The following ITSN1 variants were observed in gnomAD, a reference collection of about 807,000 sequenced individuals.
ITSN1 encodes the protein intersectin 1.
Under a neutral mutation model 239.8 loss-of-function variants are expected in ITSN1, and 58 were observed. The observed-to-expected ratio is 0.24, with a 90% confidence interval of 0.20 to 0.30. ITSN1 has a LOEUF of 0.30. Ranked by LOEUF, ITSN1 falls within the 10% of genes least tolerant of loss-of-function variation. The pLI, the probability that ITSN1 is intolerant of heterozygous loss-of-function variation, is 1.00. For missense variants in ITSN1, 1,558 were observed against 2,103.3 expected, an observed-to-expected ratio of 0.74 and a Z score of 5.07; for synonymous variants, 780 against 770.8, an observed-to-expected ratio of 1.01 and a Z score of -0.20.
chr21:33,715,811 C>T (rs1308408961), intron 1 of ITSN1, among the ~76,000 whole-genome samples: 1 of 152,004 alleles, frequency 6.6e-6, no homozygotes, highest in Non-Finnish European at 1.5e-5. Flanking sequence ...CCAGCTACTT[C>T]GGAGGCAGAG....
chr21:33,893,835 A>G lies in ITSN1; in HGVS notation c.*5535A>G, dbSNP rs1986525739. 1.4e-5 allele frequency: 2 copies of G among 141,928 alleles called. No homozygotes were observed. Among genetic ancestry groups the G allele is most frequent in the Admixed American group, 7.2e-5 (1 of 13,866 alleles). The allele number at this position is 141,928 out of a possible 1,614,324, so 8.8% of individuals were successfully genotyped here. On this transcript the variant is annotated 3_prime_UTR_variant, in exon 40 of 40. Transcript: ENST00000381318. The stretch of plus-strand genomic sequence containing the variant: ...AGGATCAAGTAAGATACATAACCTT[A>G]TATCTGTAGGAGCCAGAAAAAAAAA...
chr21:33,864,902 C>T (rs1034337796), intron 31 of ITSN1, among the ~76,000 whole-genome samples: 3 of 152,104 alleles, frequency 2.0e-5, no homozygotes, highest in African/African-American at 7.2e-5. Context: ...AAGAAAAAAA[C>T]TCCATATTTC....
At chr21:33,768,266 G>A (rs997395462) in intron 11 of ITSN1, among the ~76,000 whole-genome samples, 9 of 151,826 alleles carry the variant, frequency 5.9e-5, no homozygotes, top group African/African-American at 2.2e-4. Flanking sequence ...TAAATTTAAT[G>A]TGAACCTATT....
intron 29 of ITSN1, chr21:33,837,043 A>G (rs2074642859): frequency 6.2e-7 from 1 of 1,611,334 alleles, no homozygotes; most frequent in African/African-American, 1.3e-5. Context: ...GAGACCCACT[A>G]TCCCATATCA....
At chr21:33,749,485 A>G (rs2147456208) in intron 5 of ITSN1, among the ~76,000 whole-genome samples, 1 of 152,082 alleles carries the variant, frequency 6.6e-6, no homozygotes, top group East Asian at 1.9e-4. Context: ...TCTACTAAAA[A>G]TGTAAAAATA....
chr21:33,771,029 G>T (rs956947893), intron 11 of ITSN1, among the ~76,000 whole-genome samples: 1 of 152,180 alleles, frequency 6.6e-6, no homozygotes, highest in African/African-American at 2.4e-5. Context: ...GCCTCCCAAA[G>T]TGCTGGGATT....
rs182010476 is a variant in ITSN1 at position 33,721,751 on chromosome 21, G to A, written c.121+481G>A. ...AGAGGTTGCAGTGAGCCGAGATCAC[G>A]CCACTGCACTCCAGCCTGGGTGACA... On this transcript the variant is annotated intron_variant, in intron 3 of 39. Transcript: ENST00000381318. 1.8e-3 allele frequency among the ~76,000 whole-genome samples: 271 copies of A among 151,338 alleles called. 1 individual carries two copies. Among genetic ancestry groups the A allele is most frequent in the African/African-American group, 6.4e-3 (265 of 41,234 alleles).
chr21:33,769,317 T>A (rs944215433), intron 11 of ITSN1, among the ~76,000 whole-genome samples: 2 of 152,172 alleles, frequency 1.3e-5, no homozygotes, highest in African/African-American at 2.4e-5. Flanking sequence ...CAACAGCCGT[T>A]TATTATATGC....
chr21:33,806,717 CG>C (rs2072484377), intron 20 of ITSN1, among the ~76,000 whole-genome samples: 1 of 152,178 alleles, frequency 6.6e-6, no homozygotes, highest in African/African-American at 2.4e-5. Flanking sequence ...CCCCCAAATA[CG>C]TTGGGGTGTT....
rs1332237424 is a variant in ITSN1, at chr21:33,895,589, G to A, written c.*7289G>A. 7.3e-6 allele frequency: 1 copy of A among 136,132 alleles called. No homozygotes were observed. Among genetic ancestry groups the A allele is most frequent in the Non-Finnish European group, 1.7e-5 (1 of 60,516 alleles). The allele number at this position is 136,132 out of a possible 1,614,324, so 8.4% of individuals were successfully genotyped here. On this transcript the variant is annotated 3_prime_UTR_variant, in exon 40 of 40. Coordinates refer to ENST00000381318, the MANE Select transcript of ITSN1 (RefSeq NM_003024.3). The stretch of plus-strand genomic sequence containing the variant: ...TGTATGTGTGCGTGTGTGCATGTTT[G>A]TGAGTGCATGTGTTTGTGCGTGTGT...
chr21:33,865,304 T>C lies in ITSN1; in HGVS notation c.4044T>C (p.Asp1348=), dbSNP rs9976801. ...NGAALIQQKT[D]EAPDFKEFVK... ...CTGCCCTGATCCAGCAGAAGACGGA[T>C]GAGGCCCCAGACTTCAAGGAGTTCG... The change falls in exon 32 of 40, where the codon GAT becomes GAC. Residue 1348 remains aspartate, a synonymous_variant. Coordinates refer to ENST00000381318, the MANE Select transcript of ITSN1 (RefSeq NM_003024.3). The surrounding 1 kb of genome is among the most constrained non-coding windows in gnomAD (Gnocchi z 4.4). 0.71 allele frequency: 1,122,439 copies of C among 1,579,002 alleles called. 404,234 individuals are homozygous for C. Among genetic ancestry groups the C allele is most frequent in the East Asian group, 0.95 (41,427 of 43,430 alleles).
chr21:33,780,504 A>G (rs1569164628), intron 14 of ITSN1, among the ~76,000 whole-genome samples: 1 of 152,170 alleles, frequency 6.6e-6, no homozygotes, highest in Non-Finnish European at 1.5e-5. Context: ...AGATGCTTCT[A>G]AATTCTAGCT....
intron 1 of ITSN1, among the ~76,000 whole-genome samples, chr21:33,671,928 A>T (rs1421040383): frequency 6.6e-6 from 1 of 152,196 alleles, no homozygotes; most frequent in African/African-American, 2.4e-5. Flanking sequence ...CAAAAATGGG[A>T]TCATTTAAAA....
chr21:33,653,756 T>C (rs892893945), intron 1 of ITSN1, among the ~76,000 whole-genome samples: 1 of 152,038 alleles, frequency 6.6e-6, no homozygotes, highest in African/African-American at 2.4e-5. Context: ...TCTCCTGACC[T>C]CGTGATCCGC....
chr21:33,868,417 G>A (rs1982080641), intron 33 of ITSN1, among the ~76,000 whole-genome samples: 1 of 152,360 alleles, frequency 6.6e-6, no homozygotes, highest in African/African-American at 2.4e-5. Context: ...CACGGAGGCA[G>A]GGGAAGGCTC....
At chr21:33,691,003 T>C (rs893376585) in intron 1 of ITSN1, among the ~76,000 whole-genome samples, 2 of 151,432 alleles carry the variant, frequency 1.3e-5, no homozygotes, top group African/African-American at 2.4e-5. Flanking sequence ...GGAAAGCAGC[T>C]GTGTGAACTT....
chr21:33,699,085 C>G (rs1389770309), intron 1 of ITSN1, among the ~76,000 whole-genome samples: 1 of 152,084 alleles, frequency 6.6e-6, no homozygotes, highest in African/African-American at 2.4e-5. Context: ...TCTCAAATAT[C>G]AGATAATTTT....
chr21:33,771,483 A>G (rs2069157123), intron 11 of ITSN1, among the ~76,000 whole-genome samples: 1 of 152,222 alleles, frequency 6.6e-6, no homozygotes, highest in Non-Finnish European at 1.5e-5. Flanking sequence ...AGTATTAGAA[A>G]AAAAAGGATA....
rs1297092278 is a variant in ITSN1, at chr21:33,865,319, C to T, written c.4059C>T (p.Phe1353=). 5.1e-6 allele frequency: 8 copies of T among 1,567,996 alleles called. No individual in the cohort carries two copies. The South Asian group carries it at 7.1e-5, about 14-fold the overall frequency. Reference sequence around the variant, plus strand: ...AGAAGACGGATGAGGCCCCAGACTTCAAGGAGTTCGTCAAAGTAAGGAGCC... The same window carrying T: ...AGAAGACGGATGAGGCCCCAGACTTTAAGGAGTTCGTCAAAGTAAGGAGCC... ...IQQKTDEAPD[F]KEFVKRLAMD... Residue 1353 remains phenylalanine (F), a synonymous_variant, in exon 32 of 40, where the codon TTC becomes TTT. Transcript: ENST00000381318. The surrounding 1 kb of genome is among the most constrained non-coding windows in gnomAD (Gnocchi z 4.4).
Sources: gnomAD v4.1 joint callset for allele counts (sites outside exome capture counted in the v4.1 genomes callset) on GRCh38, gnomAD v4.1.1 for gene constraint, Gnocchi (gnomAD v3.1) non-coding constraint, MANE v1.5 for transcripts, NCBI Gene and HGNC (gene_info 2026-07-23, HGNC 2026-07-21) for gene names.